CHUK: variants seen among roughly 807,000 people sequenced by gnomAD.
The protein encoded by CHUK is component of inhibitor of nuclear factor kappa B kinase complex.
CHUK carries 35 observed loss-of-function variants against 104.8 expected under a neutral mutation model. That is an observed-to-expected ratio of 0.33 (90% confidence interval 0.26 to 0.44). The LOEUF is 0.44. Among genes scored for constraint, CHUK ranks in the 20% least tolerant of loss-of-function variants. The pLI is 1.00. For missense variants in CHUK, 663 were observed against 902.7 expected, an observed-to-expected ratio of 0.73 and a Z score of 3.40; for synonymous variants, 276 against 291.9, an observed-to-expected ratio of 0.95 and a Z score of 0.56.
intron 2 of CHUK, among the ~76,000 whole-genome samples, chr10:100,224,830 T>C (rs188467388): frequency 6.8e-6 from 1 of 147,054 alleles, no homozygotes; most frequent in East Asian, 2.0e-4. Flanking sequence ...TTTTTAAGTG[T>C]ACAGTTTAGT....
Position 100,205,202 on chromosome 10 carries a change from A to G in CHUK, c.1232-3T>C, listed in dbSNP as rs889219149. 5.0e-6 allele frequency: 8 copies of G among 1,613,884 alleles called. No individual in the cohort carries two copies. The highest frequency in any genetic ancestry group is 6.8e-6 in the Non-Finnish European group (8 of 1,179,778). ...AAGCTGTATTTTGCTGTCCTGTACT[A>G]TATACAAGAAGATGAGAAAAAGGGC... is the stretch of plus-strand genomic sequence containing the variant. On this transcript the variant is annotated splice_polypyrimidine_tract_variant and splice_region_variant and intron_variant, in intron 11 of 20. Coordinates refer to ENST00000370397, the MANE Select transcript of CHUK (RefSeq NM_001278.5).
At position 100,199,998 on chromosome 10, in the gene CHUK, A is replaced by C; in HGVS notation, c.1702T>G (p.Tyr568Asp). Reference sequence around the variant, plus strand: ...GAAGGTCTGTGTTTTAACTGCTTATATAGATCAATGGCACGCTGTTCCCTA... The same window carrying C: ...GAAGGTCTGTGTTTTAACTGCTTATCTAGATCAATGGCACGCTGTTCCCTA... Reference protein sequence around the residue: ...ESLEQRAIDLYKQLKHRPSDH... With the variant: ...ESLEQRAIDLDKQLKHRPSDH... Residue 568 changes from tyrosine to aspartate, a missense_variant, in exon 16 of 21, where the codon TAT becomes GAT. Transcript: ENST00000370397. 2 of 1,612,970 alleles carry C rather than the reference A, an allele frequency of 1.2e-6. No individual in the cohort carries two copies. The highest frequency in any genetic ancestry group is 1.7e-6 in the Non-Finnish European group (2 of 1,179,012).
At chr10:100,208,991 AG>A (rs1387117840) in intron 10 of CHUK, among the ~76,000 whole-genome samples, 1 of 152,172 alleles carries the variant, frequency 6.6e-6, no homozygotes, top group Non-Finnish European at 1.5e-5. Flanking sequence ...GGGGGTCTGA[AG>A]GAACTCCTTA....
In CHUK at chr10:100,204,672, GAAAAAA is replaced by G; in HGVS notation, c.1356-21_1356-16del. The G allele has an allele frequency of 6.4e-7, 1 of 1,556,400 alleles. No homozygotes were observed. Among genetic ancestry groups the G allele is most frequent in the African/African-American group, 1.4e-5 (1 of 72,726 alleles). ...GAAGACTTAACCTAAACCACAGCAA[GAAAAAA>G]AAGAAAAAGAAAAAAGATATTATCA... On this transcript the variant is annotated splice_polypyrimidine_tract_variant and intron_variant, in intron 12 of 20. Transcript: ENST00000370397.
At position 100,200,167 on chromosome 10, in the gene CHUK, G is replaced by A. The variant is rs187133627; in HGVS notation, c.1680-147C>T. 2.6e-3 allele frequency: 1,927 copies of A among 745,064 alleles called. 11 individuals are homozygous for A. The highest frequency in any genetic ancestry group is 3.8e-3 in the Non-Finnish European group (1,543 of 409,110). The allele number at this position is 745,064 out of a possible 1,614,324, so 46.2% of individuals were successfully genotyped here. A position where few individuals can be genotyped will look rare whatever the true frequency, so the allele number is the denominator to read the frequency against. On this transcript the variant is annotated intron_variant, in intron 15 of 20. Transcript: ENST00000370397. ...CAAGTATTTCACAGAGCATTGTATT[G>A]AGTAATAAGAACTATACAAGTTCTT...
chr10:100,205,821 G>A (rs1845576104), intron 11 of CHUK, among the ~76,000 whole-genome samples: 2 of 152,158 alleles, frequency 1.3e-5, no homozygotes, highest in Admixed American at 6.5e-5. Context: ...CCAGCTACTC[G>A]GGAGACTGAG....
At chr10:100,189,792 C>A (rs1259019355) in intron 20 of CHUK, among the ~76,000 whole-genome samples, 165 bp from the exon 21 acceptor site, 1 of 150,964 alleles carries the variant, frequency 6.6e-6, no homozygotes, top group East Asian at 1.9e-4. Context: ...GAGTTTTTTT[C>A]ATAAATATTT....
In CHUK at chr10:100,200,734, G is replaced by T. The variant is rs559274175; in HGVS notation, c.1616C>A (p.Ala539Asp). 6.2e-7 allele frequency: 1 copy of T among 1,608,462 alleles called. No individual in the cohort carries two copies. Among genetic ancestry groups the T allele is most frequent in the Non-Finnish European group, 8.5e-7 (1 of 1,175,382 alleles). The stretch of plus-strand genomic sequence containing the variant: ...GCTCTTCTGTAGCTCCATGATTTCA[G>T]CATGCAAAGACATAATCTGATCCTC... Reference protein sequence around the residue: ...YLEDQIMSLHAEIMELQKSPY... With the variant: ...YLEDQIMSLHDEIMELQKSPY... Residue 539 changes from alanine (A) to aspartate (D), a missense_variant, in exon 15 of 21, where the codon GCT (alanine) becomes GAT (aspartate). Physicochemically the swap from Ala to Asp is moderately radical, Grantham distance 126 (BLOSUM62 -2). Coordinates refer to ENST00000370397, the MANE Select transcript of CHUK (RefSeq NM_001278.5).
At chr10:100,205,264 A>G (rs568957954) in intron 11 of CHUK, 65 bp from the exon 12 acceptor site, 13 of 1,526,708 alleles carry the variant, frequency 8.5e-6, no homozygotes, top group Admixed American at 6.7e-5. Context: ...TTTAGAGTTG[A>G]TTTATCATTC....
chr10:100,219,883 G>A (rs560681744), intron 5 of CHUK, among the ~76,000 whole-genome samples: 7 of 150,566 alleles, frequency 4.6e-5, no homozygotes, highest in African/African-American at 1.5e-4. Context: ...CCAAGCATAC[G>A]TGAAAGGTTC....
At chr10:100,211,888 T>C (rs1845736713) in intron 9 of CHUK, among the ~76,000 whole-genome samples, 1 of 152,126 alleles carries the variant, frequency 6.6e-6, no homozygotes. Flanking sequence ...TATTTTTTTT[T>C]TTTTTCTTTT....
At chr10:100,189,686 G>T in intron 20 of CHUK, 59 bp from the exon 21 acceptor site, 2 of 1,260,484 alleles carry the variant, frequency 1.6e-6, no homozygotes, top group African/African-American at 1.5e-5. Context: ...TAAGTATATG[G>T]GTGTTCATTT....
At chr10:100,189,717 C>T in intron 20 of CHUK, 90 bp from the exon 21 acceptor site, 1 of 878,000 alleles carries the variant, frequency 1.1e-6, no homozygotes, top group Non-Finnish European at 1.9e-6. Flanking sequence ...TCTGTTTGGA[C>T]ATTTCATAAT....
At position 100,225,979 on chromosome 10, in the gene CHUK, T is replaced by C; in HGVS notation, c.144A>G (p.Leu48=). Residue 48 remains leucine (L), a synonymous_variant, in exon 2 of 21, where the codon CTA becomes CTG. Coordinates refer to ENST00000370397, the MANE Select transcript of CHUK (RefSeq NM_001278.5). The part of the protein sequence containing the change: ...DLKIAIKSCR[L]ELSTKNRERW... Reference sequence around the variant, plus strand: ...GTTCTCTGTTTTTGGTACTTAGCTCTAGGCGACAAGACTTAATTGCTATTT... The same window carrying C: ...GTTCTCTGTTTTTGGTACTTAGCTCCAGGCGACAAGACTTAATTGCTATTT... The C allele has an allele frequency of 1.2e-6, 2 of 1,609,570 alleles. No individual in the cohort carries two copies. Among genetic ancestry groups the C allele is most frequent in the Non-Finnish European group, 1.7e-6 (2 of 1,176,004 alleles).
chr10:100,223,011 A>G (rs770051994), intron 2 of CHUK, 31 bp from the exon 3 acceptor site: 2 of 1,150,092 alleles, frequency 1.7e-6, no homozygotes, highest in Non-Finnish European at 1.3e-6. Flanking sequence ...TACAATAAAA[A>G]AAATTATTTC....
intron 18 of CHUK, 76 bp downstream of exon 18, chr10:100,193,908 T>C: frequency 7.4e-7 from 1 of 1,345,714 alleles, no homozygotes; most frequent in Non-Finnish European, 1.1e-6. Context: ...GCCCACCTCA[T>C]GCTGATAAAA....
chr10:100,212,236 G>C (rs1363350044), intron 9 of CHUK, among the ~76,000 whole-genome samples: 1 of 152,096 alleles, frequency 6.6e-6, no homozygotes, highest in African/African-American at 2.4e-5. Context: ...CACAATAGCT[G>C]TAATAATTTA....
Position 100,194,488 on chromosome 10 carries a change from T to C in CHUK, c.1763A>G (p.Lys588Arg), listed in dbSNP as rs1318211046. 1 of 1,613,438 alleles carries C rather than the reference T, an allele frequency of 6.2e-7. No homozygotes were observed. Among genetic ancestry groups the C allele is most frequent in the Non-Finnish European group, 8.5e-7 (1 of 1,179,442 alleles). Residue 588 changes from lysine to arginine, a missense_variant, in exon 17 of 21, where the codon AAA (lysine) becomes AGA (arginine). This residue lies in a region of CHUK where 311 missense variants were observed against 393.4 expected (regional missense o/e 0.79). Coordinates refer to ENST00000370397, the MANE Select transcript of CHUK (RefSeq NM_001278.5). The part of the protein sequence containing the change: ...HSYSDSTEMV[K>R]IIVHTVQSQD... ...ACTCTGCACAGTGTGCACAATGATTTTCACCATCTCTGTGCTGTCACTGTA... is the reference window on the plus strand; with the variant it reads ...ACTCTGCACAGTGTGCACAATGATTCTCACCATCTCTGTGCTGTCACTGTA...
In CHUK at chr10:100,188,879, A is replaced by T. The variant is rs937219956; in HGVS notation, c.*719T>A. 1 of 152,268 alleles carries T rather than the reference A, an allele frequency of 6.6e-6. No homozygotes were observed. Among genetic ancestry groups the T allele is most frequent in the African/African-American group, 2.4e-5 (1 of 41,474 alleles). 9.4% of individuals were successfully genotyped at this position (152,268 alleles called of 1,614,324 possible). ...AAAACATGTAATTTTCAAATACATT[A>T]TAAATTAACAGGCATCTTCTCTTTG... On this transcript the variant is annotated 3_prime_UTR_variant, in exon 21 of 21. Coordinates refer to ENST00000370397, the MANE Select transcript of CHUK (RefSeq NM_001278.5).
Sources: allele counts gnomAD v4.1 joint callset (sites outside exome capture counted in the v4.1 genomes callset), GRCh38; gene constraint gnomAD v4.1.1; regional missense constraint gnomAD v4.1.1; transcripts MANE v1.5; gene names NCBI Gene and HGNC (gene_info 2026-07-23, HGNC 2026-07-21).